Variants in AFDN observed in about 807,000 individuals in gnomAD.
AFDN encodes afadin, adherens junction formation factor.
Under a neutral mutation model 216.6 loss-of-function variants are expected in AFDN, and 68 were observed. That is an observed-to-expected ratio of 0.31 (90% CI 0.26 to 0.38). AFDN has a LOEUF of 0.38. AFDN is among the 10% of genes least tolerant of loss of function. The pLI is 1.00. For synonymous variants in AFDN, 868 were observed against 853.7 expected, an observed-to-expected ratio of 1.02 and a Z score of -0.29; for missense variants, 2,136 against 2,342.0, an observed-to-expected ratio of 0.91 and a Z score of 1.82.
At chr6:167,969,674 A>T (rs1219566858) in intron 33 of AFDN, 108 bp from the exon 34 acceptor site, 7 of 1,063,144 alleles carry the variant, frequency 6.6e-6, no homozygotes, top group Non-Finnish European at 9.4e-6. Context: ...AGCACAATTT[A>T]ACAAAGAATG....
intron 1 of AFDN, among the ~76,000 whole-genome samples, chr6:167,842,405 C>T (rs902098232): frequency 2.0e-5 from 3 of 152,070 alleles, no homozygotes; most frequent in Admixed American, 6.6e-5. Context: ...TAAAAAATGC[C>T]CCATAATTAA....
chr6:167,926,038 A>T (rs142095950), intron 23 of AFDN, among the ~76,000 whole-genome samples: 17 of 152,360 alleles, frequency 1.1e-4, no homozygotes, highest in South Asian at 1.0e-3. Flanking sequence ...TACACAGTTA[A>T]TGTGCCTTGA....
chr6:167,899,112 G>A lies in AFDN; in HGVS notation c.1580+645G>A, dbSNP rs915034450. Among the ~76,000 whole-genome samples, 9 of 152,146 alleles carry A rather than the reference G, an allele frequency of 5.9e-5. 1 individual carries two copies. The South Asian group carries it at 8.3e-4, about 14-fold the overall frequency. On this transcript the variant is annotated intron_variant, in intron 11 of 33. Coordinates refer to ENST00000683244, the MANE Select transcript of AFDN (RefSeq NM_001386888.1). ...CTTCCTGAAGCACAGACATGAACCC[G>A]CGTGGTCTTCCCTGCTTGGCCTTTC...
chr6:167,956,482 G>A (rs1394609718), intron 30 of AFDN, among the ~76,000 whole-genome samples: 1 of 152,058 alleles, frequency 6.6e-6, no homozygotes, highest in East Asian at 1.9e-4. Flanking sequence ...GCTCACTTCC[G>A]ACCTGAGACG....
intron 6 of AFDN, among the ~76,000 whole-genome samples, chr6:167,884,315 G>A (rs1483364561): frequency 6.6e-6 from 1 of 152,032 alleles, no homozygotes; most frequent in Non-Finnish European, 1.5e-5. Context: ...CTTATCCCGT[G>A]AATCATGAAT....
intron 26 of AFDN, 117 bp from the exon 27 acceptor site, chr6:167,946,590 A>G: frequency 2.4e-6 from 2 of 819,806 alleles, no homozygotes; most frequent in Non-Finnish European, 3.7e-6. Flanking sequence ...TTCTGTAGGA[A>G]GAATTGACCT....
intron 30 of AFDN, among the ~76,000 whole-genome samples, chr6:167,961,751 G>T (rs1261959581): frequency 6.6e-6 from 1 of 152,216 alleles, no homozygotes; most frequent in East Asian, 1.9e-4. Context: ...AGACAGAAGA[G>T]AGCCGAGATA....
intron 6 of AFDN, among the ~76,000 whole-genome samples, chr6:167,888,927 C>T (rs931486171): frequency 1.3e-5 from 2 of 151,896 alleles, no homozygotes; most frequent in Non-Finnish European, 2.9e-5. Flanking sequence ...TACGTACTGC[C>T]GTACTGCCTT....
chr6:167,834,022 G>C (rs1455516085), intron 1 of AFDN, among the ~76,000 whole-genome samples: 1 of 152,112 alleles, frequency 6.6e-6, no homozygotes, highest in Non-Finnish European at 1.5e-5. Context: ...GATTTTACAC[G>C]AGCTTTTTAA....
intron 1 of AFDN, among the ~76,000 whole-genome samples, chr6:167,856,494 T>C (rs777836662): frequency 3.1e-4 from 47 of 152,224 alleles, no homozygotes; most frequent in Non-Finnish European, 5.0e-4. Context: ...TTAGGTACTA[T>C]TAAATTGGTA....
At position 167,848,833 on chromosome 6, in the gene AFDN, C is replaced by G. The variant is rs138385310; in HGVS notation, c.106-15718C>G. 2.6e-5 allele frequency among the ~76,000 whole-genome samples: 4 copies of G among 152,248 alleles called. No individual in the cohort carries two copies. In the East Asian group the frequency reaches 7.7e-4, roughly 29 times the overall value. On this transcript the variant is annotated intron_variant, in intron 1 of 33. Transcript: ENST00000683244. ...TTTACTTCCCTTTAATTGGATTTCT[C>G]TTTTTTACAGACTCAGCTGTGTATT...
rs1360295694 is a variant in AFDN at position 167,862,270 on chromosome 6, C to T, written c.106-2281C>T. Among the ~76,000 whole-genome samples, 3 of 152,124 alleles carry T rather than the reference C, an allele frequency of 2.0e-5. No individual in the cohort carries two copies. The East Asian group carries it at 5.8e-4, about 29-fold the overall frequency. ...GACAGTGCGTAGGACGTGGTCAGCA[C>T]AGTACCTGGCACATAGGCGGTGAGC... On this transcript the variant is annotated intron_variant, in intron 1 of 33. Transcript: ENST00000683244.
chr6:167,896,772 G>T, intron 9 of AFDN, 106 bp from the exon 10 acceptor site: 1 of 600,154 alleles, frequency 1.7e-6, no homozygotes, highest in Non-Finnish European at 2.9e-6. Context: ...AAGAAATCCT[G>T]AGAAATGAGA....
chr6:167,871,818 A>G (rs1275730333), intron 3 of AFDN, among the ~76,000 whole-genome samples: 1 of 152,178 alleles, frequency 6.6e-6, no homozygotes, highest in Non-Finnish European at 1.5e-5. Flanking sequence ...TGTTTTTATA[A>G]TTTTGTTAGG....
At chr6:167,906,402 A>T (rs1306306579) in intron 12 of AFDN, among the ~76,000 whole-genome samples, 1 of 152,220 alleles carries the variant, frequency 6.6e-6, no homozygotes, top group African/African-American at 2.4e-5. Context: ...CGTACAGTAC[A>T]GTAATAATCG....
chr6:167,918,454 A>G (rs1791380398), intron 20 of AFDN, among the ~76,000 whole-genome samples: 4 of 152,202 alleles, frequency 2.6e-5, no homozygotes, highest in South Asian at 2.1e-4. Context: ...TGATTGAACA[A>G]TTTCTTTTTA....
chr6:167,883,515 C>CA (rs1786406481), intron 6 of AFDN, among the ~76,000 whole-genome samples: 1 of 152,138 alleles, frequency 6.6e-6, no homozygotes, highest in Non-Finnish European at 1.5e-5. Context: ...AGGCACACCT[C>CA]AGAGATGTTG....
chr6:167,935,685 A>G (rs779755613), intron 23 of AFDN, among the ~76,000 whole-genome samples: 3 of 152,232 alleles, frequency 2.0e-5, no homozygotes, highest in Non-Finnish European at 2.9e-5. Context: ...TACCATATTT[A>G]GGTACCTTTA....
intron 17 of AFDN, 131 bp from the exon 18 acceptor site, chr6:167,914,513 T>G (rs556048727): frequency 1.1e-6 from 1 of 920,414 alleles, no homozygotes; most frequent in Admixed American, 2.7e-5. Context: ...GTGAGCTATG[T>G]TTCAAGATTC....
Sources: allele counts gnomAD v4.1 joint callset (sites outside exome capture counted in the v4.1 genomes callset), GRCh38; gene constraint gnomAD v4.1.1; transcripts MANE v1.5; gene names NCBI Gene and HGNC (gene_info 2026-07-23, HGNC 2026-07-21).